The following CTNNA3 variants were observed in gnomAD, a reference collection of about 807,000 sequenced individuals.
CTNNA3 encodes catenin alpha-3.
In CTNNA3, 76 loss-of-function variants were observed where a neutral mutation model predicts 95.7. The observed-to-expected ratio is 0.79, with a 90% CI of 0.66 to 0.96. The LOEUF (loss-of-function observed/expected upper bound fraction) is 0.96. CTNNA3 is among the 40% of genes least tolerant of loss of function. CTNNA3 has a pLI of 0.00. For synonymous variants in CTNNA3, 431 were observed against 374.4 expected, an observed-to-expected ratio of 1.15 and a Z score of -1.74; for missense variants, 1,191 against 1,089.8, an observed-to-expected ratio of 1.09 and a Z score of -1.31.
chr10:65,979,132 G>C (rs2078268085), intron 16 of CTNNA3, among the ~76,000 whole-genome samples: 1 of 152,068 alleles, frequency 6.6e-6, no homozygotes, highest in South Asian at 2.1e-4. Context: ...CCATATTTAG[G>C]CTGAAATTGT....
At chr10:66,493,599 A>AT (rs528761424) in intron 11 of CTNNA3, among the ~76,000 whole-genome samples, 19,838 of 111,900 alleles carry the variant, frequency 0.18, 2,419 homozygotes, top group Admixed American at 0.25. Flanking sequence ...TAACTACAGT[A>AT]TTTTTTTTTT....
intron 1 of CTNNA3, among the ~76,000 whole-genome samples, chr10:67,684,888 G>A (rs190978743): frequency 2.0e-5 from 3 of 152,326 alleles, no homozygotes; most frequent in South Asian, 4.1e-4. Flanking sequence ...TGGTATAAGA[G>A]TTTGAAAGGT....
rs117422071 is a variant in CTNNA3 at position 67,323,812 on chromosome 10, C to G, written c.580-103942G>C. ...ACTTTGGGAAGTATGGCCATTTTAA[C>G]AACATTGATTCTTCCTGTCCATGAG... On this transcript the variant is annotated intron_variant, in intron 5 of 17. Transcript: ENST00000433211. Among the ~76,000 whole-genome samples, 2,865 of 152,224 alleles carry G rather than the reference C, an allele frequency of 0.019. 237 individuals carry two copies. In the East Asian group the frequency reaches 0.26, roughly 14 times the overall value.
chr10:66,340,898 G>T (rs2092447861), intron 12 of CTNNA3, among the ~76,000 whole-genome samples: 1 of 151,608 alleles, frequency 6.6e-6, no homozygotes. Context: ...ATATAGTGTT[G>T]GTAGTAAAAA....
chr10:66,724,629 G>C, intron 9 of CTNNA3, among the ~76,000 whole-genome samples: 1 of 152,128 alleles, frequency 6.6e-6, no homozygotes, highest in African/African-American at 2.4e-5. Flanking sequence ...AAATTTAAAA[G>C]CTTCATTGAA....
At chr10:67,704,091 G>A (rs1259912905) in intron 1 of CTNNA3, among the ~76,000 whole-genome samples, 3 of 152,114 alleles carry the variant, frequency 2.0e-5, no homozygotes, top group Admixed American at 6.5e-5. Flanking sequence ...ACCTCCTCAA[G>A]GAGAACTACA....
At chr10:66,899,735 G>A (rs1184266382) in intron 7 of CTNNA3, among the ~76,000 whole-genome samples, 1 of 152,118 alleles carries the variant, frequency 6.6e-6, no homozygotes, top group African/African-American at 2.4e-5. Context: ...CGCCCATAGA[G>A]CCTTGCTCAC....
intron 5 of CTNNA3, among the ~76,000 whole-genome samples, chr10:67,504,181 C>G (rs1218413368): frequency 7.7e-6 from 1 of 130,430 alleles, no homozygotes; most frequent in South Asian, 2.6e-4. Flanking sequence ...AGGTCGGTGC[C>G]AAGGCTCATG....
At chr10:67,585,100 G>A (rs1489225473) in intron 3 of CTNNA3, among the ~76,000 whole-genome samples, 1 of 152,204 alleles carries the variant, frequency 6.6e-6, no homozygotes, top group Non-Finnish European at 1.5e-5. Context: ...GACGAACCTG[G>A]TACCTCAGTT....
At chr10:66,743,887 A>C (rs1849409561) in intron 9 of CTNNA3, among the ~76,000 whole-genome samples, 1 of 150,790 alleles carries the variant, frequency 6.6e-6, no homozygotes, top group Admixed American at 6.6e-5. Context: ...GAGGCAGGAG[A>C]ATCACTTGAA....
At chr10:67,231,093 G>C (rs991116698) in intron 5 of CTNNA3, among the ~76,000 whole-genome samples, 5 of 152,188 alleles carry the variant, frequency 3.3e-5, no homozygotes, top group Non-Finnish European at 7.4e-5. Flanking sequence ...CAGCGAGGCT[G>C]GGGGAGGGGC....
chr10:67,469,619 G>A lies in CTNNA3; in HGVS notation c.579+52223C>T, dbSNP rs186483235. Among the ~76,000 whole-genome samples the A allele has an allele frequency of 5.8e-3, 873 of 151,762 alleles. 13 individuals carry two copies. Among genetic ancestry groups the A allele is most frequent in the African/African-American group, 0.02 (815 of 41,366 alleles). ...CACCGGGGCCTGTCGGGGGGTGGGG[G>A]GCTAGAAGAGTGATAGCATTAGGAG... On this transcript the variant is annotated intron_variant, in intron 5 of 17. Coordinates refer to ENST00000433211, the MANE Select transcript of CTNNA3 (RefSeq NM_013266.4).
intron 7 of CTNNA3, among the ~76,000 whole-genome samples, chr10:67,056,777 G>C (rs1354963821): frequency 1.3e-5 from 2 of 152,166 alleles, no homozygotes; most frequent in Non-Finnish European, 2.9e-5. Context: ...ACTATGATAT[G>C]AATAAATCTG....
chr10:66,959,920 T>A (rs1200847509), intron 7 of CTNNA3, among the ~76,000 whole-genome samples: 2 of 152,150 alleles, frequency 1.3e-5, no homozygotes, highest in African/African-American at 2.4e-5. Context: ...TCTATACTCC[T>A]ATGTCTAAGT....
chr10:66,258,839 A>G (rs2090888923), intron 13 of CTNNA3, among the ~76,000 whole-genome samples: 1 of 152,196 alleles, frequency 6.6e-6, no homozygotes, highest in African/African-American at 2.4e-5. Flanking sequence ...TAGCTAAAAA[A>G]GGAGTCTGTG....
Position 66,237,975 on chromosome 10 carries a change from A to T in CTNNA3, c.1884+42495T>A, listed in dbSNP as rs546978689. Among the ~76,000 whole-genome samples, 13 of 152,022 alleles carry T rather than the reference A, an allele frequency of 8.6e-5. No homozygotes were observed. The South Asian group carries it at 1.2e-3, about 15-fold the overall frequency. On this transcript the variant is annotated intron_variant, in intron 13 of 17. Coordinates refer to ENST00000433211, the MANE Select transcript of CTNNA3 (RefSeq NM_013266.4). ...TCAAATCATTTGCTATAAATGATAA[A>T]TTTTTTTTCTAAATTGTCATAGAAA...
intron 13 of CTNNA3, among the ~76,000 whole-genome samples, chr10:66,162,156 G>A (rs2084886246): frequency 6.6e-6 from 1 of 151,456 alleles, no homozygotes; most frequent in East Asian, 1.9e-4. Context: ...TTTCTCTGGT[G>A]CCTCCCTGAT....
At chr10:66,207,508 A>G (rs998547745) in intron 13 of CTNNA3, among the ~76,000 whole-genome samples, 2 of 151,988 alleles carry the variant, frequency 1.3e-5, no homozygotes, top group African/African-American at 2.4e-5. Flanking sequence ...GTGTTTTCCC[A>G]AGCATTATCC....
At chr10:66,905,157 G>T (rs781375931) in intron 7 of CTNNA3, among the ~76,000 whole-genome samples, 4 of 152,172 alleles carry the variant, frequency 2.6e-5, no homozygotes, top group African/African-American at 4.8e-5. Flanking sequence ...TTAAGAAAAC[G>T]TGGCACATAT....
Sources: allele counts gnomAD v4.1 joint callset (sites outside exome capture counted in the v4.1 genomes callset), GRCh38; gene constraint gnomAD v4.1.1; transcripts MANE v1.5; gene names NCBI Gene and HGNC (gene_info 2026-07-23, HGNC 2026-07-21).